Variants in SOS1 observed in about 807,000 individuals in gnomAD.
SOS1 encodes son of sevenless homolog 1.
A neutral mutation model predicts 157.6 loss-of-function variants in SOS1; 25 were observed. The observed-to-expected ratio is 0.16, with a 90% confidence interval of 0.12 to 0.22. The LOEUF is 0.22. SOS1 is among the 10% of genes least tolerant of loss of function. The pLI, the probability that SOS1 is intolerant of heterozygous loss-of-function variation, is 1.00. For missense variants in SOS1, 1,237 were observed against 1,599.1 expected, an observed-to-expected ratio of 0.77 and a Z score of 3.86; for synonymous variants, 528 against 534.0, an observed-to-expected ratio of 0.99 and a Z score of 0.16.
chr2:38,993,322 G>C (rs1365668603), intron 20 of SOS1: 2 of 151,794 alleles, frequency 1.3e-5, no homozygotes, highest in Non-Finnish European at 2.9e-5. Context: ...TCTCCTCTCA[G>C]CTAATTTTTT....
chr2:39,092,391 G>A (rs1019353897), intron 1 of SOS1, among the ~76,000 whole-genome samples: 1 of 151,978 alleles, frequency 6.6e-6, no homozygotes, highest in African/African-American at 2.4e-5. Flanking sequence ...TGCATTATTG[G>A]CTGCTTCTGA....
chr2:39,090,603 G>A (rs192122071), intron 1 of SOS1, among the ~76,000 whole-genome samples: 1 of 151,712 alleles, frequency 6.6e-6, no homozygotes, highest in East Asian at 1.9e-4. Context: ...GGCTGAGGCA[G>A]GAGAATTGCT....
intron 4 of SOS1, 60 bp from the exon 5 acceptor site, chr2:39,054,883 G>A (rs1671152553): frequency 1.1e-6 from 1 of 907,150 alleles, no homozygotes; most frequent in Non-Finnish European, 1.8e-6. Flanking sequence ...AGAATTTGAT[G>A]TGAAATGCTC....
At chr2:38,991,735 T>A (rs1668741052) in intron 20 of SOS1, among the ~76,000 whole-genome samples, 1 of 152,228 alleles carries the variant, frequency 6.6e-6, no homozygotes, top group African/African-American at 2.4e-5. Flanking sequence ...AGTATTTATG[T>A]CTTTACCACT....
At chr2:38,987,677 T>C in intron 21 of SOS1, 86 bp from the exon 22 acceptor site, 1 of 750,730 alleles carries the variant, frequency 1.3e-6, no homozygotes. Flanking sequence ...GGAAATTGCT[T>C]ATAATTAAAA....
At chr2:39,070,558 C>A (rs1382588694) in intron 1 of SOS1, among the ~76,000 whole-genome samples, 1 of 152,112 alleles carries the variant, frequency 6.6e-6, no homozygotes, top group Admixed American at 6.5e-5. Flanking sequence ...CAAATCTATC[C>A]CTAGTCCTGA....
At chr2:38,996,804 GT>G (rs1668909447) in intron 19 of SOS1, 117 bp downstream of exon 19, 1 of 709,912 alleles carries the variant, frequency 1.4e-6, no homozygotes, top group Admixed American at 1.9e-5. Flanking sequence ...TAATTATTAA[GT>G]ACTTTTTCAT....
chr2:39,070,871 T>C (rs939674113), intron 1 of SOS1, among the ~76,000 whole-genome samples: 2 of 152,084 alleles, frequency 1.3e-5, no homozygotes, highest in African/African-American at 2.4e-5. Flanking sequence ...TTTATTGTAT[T>C]TGTTTATTTG....
chr2:39,056,961 A>C, intron 3 of SOS1, 95 bp from the exon 4 acceptor site: 1 of 922,812 alleles, frequency 1.1e-6, no homozygotes. Context: ...CTTAACTTAC[A>C]CTTTTTTTCC....
chr2:39,003,822 T>TA (rs1316766626), intron 17 of SOS1, among the ~76,000 whole-genome samples: 211 of 152,312 alleles, frequency 1.4e-3, no homozygotes, highest in African/African-American at 4.9e-3. Context: ...AAACACTATA[T>TA]AAAGCAGGGT....
chr2:39,036,429 C>G (rs916325608), intron 6 of SOS1, among the ~76,000 whole-genome samples: 1 of 152,174 alleles, frequency 6.6e-6, no homozygotes, highest in African/African-American at 2.4e-5. Context: ...TGGCTCACTA[C>G]AACCTCTGCC....
intron 10 of SOS1, among the ~76,000 whole-genome samples, chr2:39,020,856 TTAAAA>T (rs1160528745): frequency 2.6e-5 from 4 of 151,538 alleles, no homozygotes; most frequent in Non-Finnish European, 4.4e-5. Context: ...ATGACATAAA[TTAAAA>T]TATTCAGTTA....
chr2:39,034,767 C>T lies in SOS1; in HGVS notation c.1074+445G>A, dbSNP rs1464442840. 8 of 455,030 alleles carry T rather than the reference C, an allele frequency of 1.8e-5. No homozygotes were observed. In the East Asian group the frequency reaches 5.6e-4, roughly 32 times the overall value. The allele number at this position is 455,030 out of a possible 1,614,324, so 28.2% of individuals were successfully genotyped here. A position where few individuals can be genotyped will look rare whatever the true frequency, so the allele number is the denominator to read the frequency against. ...ACTTGAGCTATGAAAGTCAGGTAAA[C>T]TAACCTTCCCCATTACTTTGGCCTT... On this transcript the variant is annotated intron_variant, in intron 8 of 22. Coordinates refer to ENST00000402219, the MANE Select transcript of SOS1 (RefSeq NM_005633.4).
At chr2:39,061,552 A>C (rs968059185) in intron 2 of SOS1, among the ~76,000 whole-genome samples, 1 of 151,836 alleles carries the variant, frequency 6.6e-6, no homozygotes, top group Middle Eastern at 3.2e-3. Context: ...ATGCCCAGCT[A>C]ATTTTGTTAT....
In SOS1 at chr2:39,010,638, G is replaced by C; in HGVS notation, c.2456C>G (p.Pro819Arg). ...WTKEDKEINS[P>R]NLLKMIRHTT... ...ATGTCGAATCATTTTCAGAAGATTAGGAGAGTTAATTTCTTTGTCTTCTTT... is the reference window on the plus strand; with the variant it reads ...ATGTCGAATCATTTTCAGAAGATTACGAGAGTTAATTTCTTTGTCTTCTTT... The change falls in exon 15 of 23, where the codon CCT (proline) becomes CGT (arginine). Residue 819 changes from proline (P) to arginine (R), a missense_variant. By Grantham distance (103) the Pro-to-Arg change is moderately radical. Around this residue, in one of 15 missense-constraint regions of SOS1, gnomAD observed 105 missense variants for 236.0 expected, o/e 0.44. Coordinates refer to ENST00000402219, the MANE Select transcript of SOS1 (RefSeq NM_005633.4). 6.2e-7 allele frequency: 1 copy of C among 1,607,072 alleles called. No homozygotes were observed. Among genetic ancestry groups the C allele is most frequent in the Non-Finnish European group, 8.5e-7 (1 of 1,173,670 alleles).
chr2:39,013,545 C>T lies in SOS1; in HGVS notation c.2082G>A (p.Arg694=). ...CATAGAAGTGGTGCTCTACCCAGTG[C>T]CGACATACATTTAATACTCTATGGC... is the stretch of plus-strand genomic sequence containing the variant. The part of the protein sequence containing the change: ...PVQLRVLNVC[R]HWVEHHFYDF... The change falls in exon 13 of 23, where the codon CGG becomes CGA. Residue 694 remains arginine (R), a synonymous_variant. Coordinates refer to ENST00000402219, the MANE Select transcript of SOS1 (RefSeq NM_005633.4). 1.2e-6 allele frequency: 2 copies of T among 1,606,480 alleles called. No homozygotes were observed. The highest frequency in any genetic ancestry group is 1.7e-6 in the Non-Finnish European group (2 of 1,173,346).
chr2:39,114,127 AC>A (rs1400239979), intron 1 of SOS1, among the ~76,000 whole-genome samples: 3 of 151,678 alleles, frequency 2.0e-5, no homozygotes, highest in Non-Finnish European at 4.4e-5. Context: ...ACAGGGTTTT[AC>A]CCTGTCACCC....
rs1166544891 is a variant in SOS1 at position 38,983,183 on chromosome 2, T to G, written c.*2641A>C. On this transcript the variant is annotated 3_prime_UTR_variant, in exon 23 of 23. Coordinates refer to ENST00000402219, the MANE Select transcript of SOS1 (RefSeq NM_005633.4). ...TTTACCCCCTTGTAATGTCCAGGAT[T>G]CAAAAGCAGAATTTTGTAATGATGC... is the stretch of plus-strand genomic sequence containing the variant. 4 of 152,152 alleles carry G rather than the reference T, an allele frequency of 2.6e-5. No individual in the cohort carries two copies. Among genetic ancestry groups the G allele is most frequent in the Admixed American group, 2.6e-4 (4 of 15,258 alleles). The allele number at this position is 152,152 out of a possible 1,614,324, so 9.4% of individuals were successfully genotyped here.
chr2:39,067,644 C>G lies in SOS1; in HGVS notation c.197G>C (p.Ser66Thr). 1.9e-6 allele frequency: 3 copies of G among 1,613,552 alleles called. No individual in the cohort carries two copies. The highest frequency in any genetic ancestry group is 2.5e-6 in the Non-Finnish European group (3 of 1,179,538). Reference protein sequence around the residue: ...LNMLCQAQPRSASDVEERVQK... With the variant: ...LNMLCQAQPRTASDVEERVQK... ...TTGTCATACCTCTACATCTGAAGCA[C>G]TTCGGGGCTGAGCTTGGCATAGCAT... is the stretch of plus-strand genomic sequence containing the variant. Residue 66 changes from serine (S) to threonine (T), a missense_variant, in exon 2 of 23, where the codon AGT (serine) becomes ACT (threonine). By Grantham distance (58) the Ser-to-Thr change is moderately conservative. Coordinates refer to ENST00000402219, the MANE Select transcript of SOS1 (RefSeq NM_005633.4).
Sources: allele counts gnomAD v4.1 joint callset (sites outside exome capture counted in the v4.1 genomes callset), GRCh38; gene constraint gnomAD v4.1.1; regional missense constraint gnomAD v4.1.1; transcripts MANE v1.5; gene names NCBI Gene and HGNC (gene_info 2026-07-23, HGNC 2026-07-21).